TBCA: variants seen among roughly 807,000 people sequenced by gnomAD.
The protein encoded by TBCA is tubulin folding cofactor A.
In TBCA, 6 loss-of-function variants were observed where a neutral mutation model predicts 15.8. The observed-to-expected ratio is 0.38, with a 90% CI of 0.21 to 0.75. The LOEUF (loss-of-function observed/expected upper bound fraction) is 0.75. TBCA is among the 30% of genes least tolerant of loss of function. TBCA has a pLI of 0.46. For missense variants in TBCA, 90 were observed against 131.2 expected, an observed-to-expected ratio of 0.69 and a Z score of 1.53; for synonymous variants, 32 against 42.3, an observed-to-expected ratio of 0.76 and a Z score of 0.94.
At chr5:77,753,080 C>T (rs571364260) in intron 1 of TBCA, among the ~76,000 whole-genome samples, 10 of 152,258 alleles carry the variant, frequency 6.6e-5, no homozygotes, top group Admixed American at 2.6e-4. Context: ...ATAAACTTCA[C>T]TGAAAACATG....
intron 1 of TBCA, among the ~76,000 whole-genome samples, chr5:77,758,420 T>G (rs1747527304): frequency 6.6e-6 from 1 of 152,166 alleles, no homozygotes; most frequent in Non-Finnish European, 1.5e-5. Flanking sequence ...CTGTCACATA[T>G]CCCCTAGATT....
rs557867928 is a variant in TBCA at position 77,770,922 on chromosome 5, G to C, written c.53+5283C>G. Among the ~76,000 whole-genome samples, 173 of 152,148 alleles carry C rather than the reference G, an allele frequency of 1.1e-3. 2 individuals carry two copies. The highest frequency in any genetic ancestry group is 4.0e-3 in the African/African-American group (165 of 41,514). Reference sequence around the variant, plus strand: ...AGGCCACGGCAGGTGGATCACCTGAGGTCAGGAGTTCAAGATCAGCCAGGC... The same window carrying C: ...AGGCCACGGCAGGTGGATCACCTGACGTCAGGAGTTCAAGATCAGCCAGGC... On this transcript the variant is annotated intron_variant, in intron 1 of 3. Coordinates refer to ENST00000380377, the MANE Select transcript of TBCA (RefSeq NM_004607.3).
chr5:77,767,117 A>G (rs1747797287), intron 1 of TBCA, among the ~76,000 whole-genome samples: 2 of 152,262 alleles, frequency 1.3e-5, no homozygotes, highest in African/African-American at 2.4e-5. Context: ...AATACACTTC[A>G]GTAGACTTGG....
At chr5:77,731,264 T>C (rs947347456) in intron 1 of TBCA, among the ~76,000 whole-genome samples, 2 of 152,188 alleles carry the variant, frequency 1.3e-5, no homozygotes, top group Non-Finnish European at 2.9e-5. Flanking sequence ...TTATTTGCAT[T>C]TCTTTGATTA....
intron 1 of TBCA, among the ~76,000 whole-genome samples, chr5:77,741,671 G>A (rs951366248): frequency 1.3e-5 from 2 of 152,126 alleles, no homozygotes; most frequent in East Asian, 3.8e-4. Flanking sequence ...AGAGGAAACC[G>A]AATATTTAAT....
intron 1 of TBCA, among the ~76,000 whole-genome samples, chr5:77,774,647 T>C (rs550899582): frequency 2.0e-5 from 3 of 152,316 alleles, no homozygotes; most frequent in African/African-American, 7.2e-5. Flanking sequence ...CGTACATGTA[T>C]TGATTGATGT....
chr5:77,721,836 A>G (rs1361573187), intron 1 of TBCA, among the ~76,000 whole-genome samples: 1 of 152,010 alleles, frequency 6.6e-6, no homozygotes, highest in Non-Finnish European at 1.5e-5. Flanking sequence ...TTACCCTTTC[A>G]TTCTTCACCT....
At chr5:77,691,905 A>C in intron 3 of TBCA, 1 of 989,630 alleles carries the variant, frequency 1.0e-6, no homozygotes, top group Non-Finnish European at 1.2e-6. Context: ...TCCACTGACT[A>C]TTCACAATGA....
At chr5:77,760,157 A>T (rs1747577227) in intron 1 of TBCA, among the ~76,000 whole-genome samples, 2 of 152,198 alleles carry the variant, frequency 1.3e-5, no homozygotes, top group South Asian at 4.1e-4. Context: ...TCCTACTTCT[A>T]ACACAGAGGA....
At chr5:77,733,568 C>T (rs55653015) in intron 1 of TBCA, among the ~76,000 whole-genome samples, 392 of 152,320 alleles carry the variant, frequency 2.6e-3, no homozygotes, top group Non-Finnish European at 4.7e-3. Context: ...CCTTAACTCA[C>T]ATCAATTCTA....
intron 2 of TBCA, among the ~76,000 whole-genome samples, chr5:77,705,865 G>A (rs1190543336): frequency 6.6e-6 from 1 of 151,970 alleles, no homozygotes; most frequent in Non-Finnish European, 1.5e-5. Flanking sequence ...AAATAAAGGG[G>A]ACATACTATA....
chr5:77,731,681 T>A (rs1746771959), intron 1 of TBCA, among the ~76,000 whole-genome samples: 1 of 152,186 alleles, frequency 6.6e-6, no homozygotes, highest in African/African-American at 2.4e-5. Context: ...TCATTTATAT[T>A]TCCACATTGA....
chr5:77,749,270 A>C (rs1747259807), intron 1 of TBCA, among the ~76,000 whole-genome samples: 1 of 152,246 alleles, frequency 6.6e-6, no homozygotes, highest in African/African-American at 2.4e-5. Context: ...CAGCAACAAG[A>C]GGTGGCTACA....
chr5:77,693,442 G>A (rs760114058), intron 2 of TBCA, 90 bp from the exon 3 acceptor site: 9 of 1,403,914 alleles, frequency 6.4e-6, no homozygotes, highest in Non-Finnish European at 8.7e-6. Context: ...TTATTAAGAG[G>A]AATCAGAAAA....
intron 1 of TBCA, among the ~76,000 whole-genome samples, chr5:77,773,672 C>T (rs1348095593): frequency 2.0e-5 from 3 of 152,142 alleles, no homozygotes; most frequent in Non-Finnish European, 4.4e-5. Context: ...TAAAGCTTCC[C>T]GGGAAGTGGG....
intron 2 of TBCA, among the ~76,000 whole-genome samples, chr5:77,701,351 A>C (rs574458005): frequency 6.6e-6 from 1 of 152,278 alleles, no homozygotes; most frequent in African/African-American, 2.4e-5. Flanking sequence ...AATCAAAACC[A>C]CAATGCAATA....
intron 3 of TBCA, 101 bp downstream of exon 3, chr5:77,693,165 T>G (rs1249612925): frequency 1.3e-6 from 2 of 1,543,750 alleles, no homozygotes; most frequent in Admixed American, 3.9e-5. Context: ...GAATAAGAAA[T>G]ACTGCCAACT....
chr5:77,717,453 TGGGGA>T (rs1746422342), intron 1 of TBCA, among the ~76,000 whole-genome samples: 1 of 151,394 alleles, frequency 6.6e-6, no homozygotes, highest in African/African-American at 2.4e-5. Context: ...CCCAGTTTTA[TGGGGA>T]TTTCCACTAT....
chr5:77,715,940 C>A (rs189522415), intron 1 of TBCA, among the ~76,000 whole-genome samples: 1 of 152,200 alleles, frequency 6.6e-6, no homozygotes, highest in East Asian at 1.9e-4. Context: ...AACAAACTCT[C>A]CTGTCTCTGA....
Sources: allele counts gnomAD v4.1 joint callset (sites outside exome capture counted in the v4.1 genomes callset), GRCh38; gene constraint gnomAD v4.1.1; transcripts MANE v1.5; gene names NCBI Gene and HGNC (gene_info 2026-07-23, HGNC 2026-07-21).